RSRC1: variants seen among roughly 807,000 people sequenced by gnomAD.
RSRC1 encodes the protein arginine and serine rich coiled-coil 1, also known as serine/Arginine-related protein 53.
In RSRC1, 39 loss-of-function variants were observed where a neutral mutation model predicts 49.1. The observed-to-expected ratio is 0.79, with a 90% CI of 0.61 to 1.04. The LOEUF is 1.04. Ranked by LOEUF, RSRC1 falls within the 50% of genes least tolerant of loss-of-function variation. RSRC1 has a pLI of 0.00. For synonymous variants in RSRC1, 143 were observed against 130.8 expected (o/e 1.09, Z -0.63); for missense variants, 388 against 402.4 (o/e 0.96, Z 0.31).
chr3:158,445,577 A>G (rs557510871), intron 6 of RSRC1, among the ~76,000 whole-genome samples: 6 of 152,198 alleles, frequency 3.9e-5, no homozygotes, highest in South Asian at 2.1e-4. Context: ...TGGGTGCGGC[A>G]CACCAACATG....
At chr3:158,289,513 A>G (rs142225962) in intron 4 of RSRC1, among the ~76,000 whole-genome samples, 150 of 152,358 alleles carry the variant, frequency 9.8e-4, no homozygotes, top group African/African-American at 3.4e-3. Context: ...ACCTGTGCAA[A>G]TGATTTATAA....
Position 158,460,948 on chromosome 3 carries a change from A to G in RSRC1, c.597A>G (p.Glu199=). 6.3e-7 allele frequency: 1 copy of G among 1,596,534 alleles called. No individual in the cohort carries two copies. The highest frequency in any genetic ancestry group is 8.6e-7 in the Non-Finnish European group (1 of 1,169,522). The change falls in exon 7 of 10, where the codon GAA becomes GAG. Residue 199 remains glutamate (E), a synonymous_variant. Coordinates refer to ENST00000611884, the MANE Select transcript of RSRC1 (RefSeq NM_001271838.2). ...LVLEAAAKAD[E]ALKAKERNEE... is the part of the protein sequence containing the mutation. ...TTTTTGTTTCAGCAAAAGCTGATGA[A>G]GCATTGAAAGCCAAAGAAAGAAATG...
intron 3 of RSRC1, among the ~76,000 whole-genome samples, chr3:158,176,764 C>T (rs763225458): frequency 1.3e-4 from 20 of 152,162 alleles, no homozygotes; most frequent in African/African-American, 4.3e-4. Context: ...AAACACCAAA[C>T]GCAATGGCAA....
chr3:158,370,069 C>G (rs1731981949), intron 6 of RSRC1, among the ~76,000 whole-genome samples: 1 of 151,786 alleles, frequency 6.6e-6, no homozygotes, highest in African/African-American at 2.4e-5. Flanking sequence ...GGTGTGAAGA[C>G]TTTTGTCCTA....
chr3:158,258,304 A>G (rs925326101), intron 4 of RSRC1, among the ~76,000 whole-genome samples: 6 of 135,602 alleles, frequency 4.4e-5, no homozygotes, highest in Admixed American at 1.6e-4. Context: ...TATTTATACA[A>G]TATTTTTGCT....
intron 4 of RSRC1, among the ~76,000 whole-genome samples, chr3:158,228,137 T>A (rs922460314): frequency 7.9e-5 from 12 of 152,070 alleles, no homozygotes; most frequent in Non-Finnish European, 1.6e-4. Context: ...AGTAAGATGC[T>A]TCTTATTTTA....
intron 6 of RSRC1, among the ~76,000 whole-genome samples, chr3:158,457,683 A>G (rs1201926184): frequency 6.6e-6 from 1 of 151,626 alleles, no homozygotes; most frequent in African/African-American, 2.4e-5. Context: ...TTCCAGAAAG[A>G]TGTGGTTGGT....
chr3:158,246,484 G>A (rs1274003381), intron 4 of RSRC1, among the ~76,000 whole-genome samples: 1 of 151,588 alleles, frequency 6.6e-6, no homozygotes, highest in Non-Finnish European at 1.5e-5. Flanking sequence ...TGTTTTTATG[G>A]TTACTTAAGT....
rs557113428 is a variant in RSRC1 at position 158,520,067 on chromosome 3, T to G, written c.653-17025T>G. ...TGGAGAAGAAATAGAAATAGAATCC[T>G]TCTATTAAGGTCAGCCTTGAGTAGT... On this transcript the variant is annotated intron_variant, in intron 7 of 9. Transcript: ENST00000611884. Among the ~76,000 whole-genome samples the G allele has an allele frequency of 2.6e-5, 4 of 152,288 alleles. No homozygotes were observed. The South Asian group carries it at 8.3e-4, about 32-fold the overall frequency.
At chr3:158,317,599 C>T (rs1432670204) in intron 5 of RSRC1, among the ~76,000 whole-genome samples, 1 of 150,532 alleles carries the variant, frequency 6.6e-6, no homozygotes, top group East Asian at 2.0e-4. Flanking sequence ...CACTCTGTCA[C>T]CCATGCAGGA....
At chr3:158,167,309 C>T (rs1176900054) in intron 3 of RSRC1, among the ~76,000 whole-genome samples, 1 of 152,140 alleles carries the variant, frequency 6.6e-6, no homozygotes, top group Non-Finnish European at 1.5e-5. Context: ...ACCTCAGCTT[C>T]CTGAGTAGCT....
chr3:158,425,582 G>A (rs1401142815), intron 6 of RSRC1, among the ~76,000 whole-genome samples: 3 of 151,992 alleles, frequency 2.0e-5, no homozygotes, highest in Non-Finnish European at 4.4e-5. Flanking sequence ...GGAGAGTTCT[G>A]TAGATGTCTA....
chr3:158,193,333 C>A (rs1303962862), intron 3 of RSRC1, among the ~76,000 whole-genome samples: 1 of 151,822 alleles, frequency 6.6e-6, no homozygotes, highest in Admixed American at 6.6e-5. Flanking sequence ...TCATCTGGAA[C>A]CACAAATGGT....
At chr3:158,236,087 G>A (rs1270280094) in intron 4 of RSRC1, among the ~76,000 whole-genome samples, 1 of 151,208 alleles carries the variant, frequency 6.6e-6, no homozygotes, top group Non-Finnish European at 1.5e-5. Context: ...TTGCACTCCA[G>A]CCTGGGTGAC....
At chr3:158,465,546 A>G (rs560450967) in intron 7 of RSRC1, among the ~76,000 whole-genome samples, 72 of 152,260 alleles carry the variant, frequency 4.7e-4, no homozygotes, top group African/African-American at 1.6e-3. Flanking sequence ...AGGAATCACT[A>G]TTTATTCAGT....
intron 6 of RSRC1, among the ~76,000 whole-genome samples, chr3:158,356,893 T>C (rs961227785): frequency 2.0e-5 from 3 of 152,164 alleles, no homozygotes; most frequent in African/African-American, 7.2e-5. Flanking sequence ...ATAGATGTGA[T>C]ACTCCAGACC....
intron 7 of RSRC1, among the ~76,000 whole-genome samples, chr3:158,511,687 G>A (rs1450521262): frequency 6.6e-6 from 1 of 152,136 alleles, no homozygotes; most frequent in Non-Finnish European, 1.5e-5. Context: ...AGATCCCTGA[G>A]GAATCACCAC....
At chr3:158,215,576 A>G (rs1721905118) in intron 4 of RSRC1, among the ~76,000 whole-genome samples, 1 of 151,088 alleles carries the variant, frequency 6.6e-6, no homozygotes, top group Admixed American at 6.6e-5. Flanking sequence ...TCCCTTTCCT[A>G]TATTTTTATG....
chr3:158,527,936 T>A (rs1266713359), intron 7 of RSRC1, among the ~76,000 whole-genome samples: 1 of 151,964 alleles, frequency 6.6e-6, no homozygotes, highest in Non-Finnish European at 1.5e-5. Context: ...AACTTCAATA[T>A]GAATTTGTGA....
Sources: allele counts gnomAD v4.1 joint callset (sites outside exome capture counted in the v4.1 genomes callset), GRCh38; gene constraint gnomAD v4.1.1; transcripts MANE v1.5; gene names NCBI Gene and HGNC (gene_info 2026-07-23, HGNC 2026-07-21).